The following SPATA17 variants were observed in gnomAD, a reference collection of about 807,000 sequenced individuals.
SPATA17 encodes the protein spermatogenesis-associated protein 17.
Under a neutral mutation model 62.2 loss-of-function variants are expected in SPATA17, and 53 were observed. That is an observed-to-expected ratio of 0.85 (90% CI 0.68 to 1.07). The LOEUF is 1.07. Ranked by LOEUF, SPATA17 falls within the 50% of genes least tolerant of loss-of-function variation. The pLI, the probability that SPATA17 is intolerant of heterozygous loss-of-function variation, is 0.00. For synonymous variants in SPATA17, 146 were observed against 146.8 expected (o/e 0.99, Z 0.04); for missense variants, 466 against 425.5 (o/e 1.10, Z -0.84).
At chr1:217,649,934 CTTTT>C (rs771612819) in intron 2 of SPATA17, among the ~76,000 whole-genome samples, 14 of 120,428 alleles carry the variant, frequency 1.2e-4, no homozygotes, top group African/African-American at 3.8e-4. Context: ...AGGCTTCTCT[CTTTT>C]TTTTTTTTTT....
chr1:217,711,741 A>T (rs1671870342), intron 5 of SPATA17, among the ~76,000 whole-genome samples: 1 of 152,248 alleles, frequency 6.6e-6, no homozygotes, highest in African/African-American at 2.4e-5. Flanking sequence ...GTTAGTCCAC[A>T]ATGCAAGTCT....
intron 7 of SPATA17, among the ~76,000 whole-genome samples, chr1:217,779,761 C>G (rs1358400597): frequency 6.6e-6 from 1 of 151,966 alleles, no homozygotes; most frequent in African/African-American, 2.4e-5. Context: ...TAAGATTATG[C>G]CCAAATGATA....
chr1:217,737,374 GGTCATAGATGGAAGT>G (rs1238506294), intron 5 of SPATA17, among the ~76,000 whole-genome samples: 2 of 152,130 alleles, frequency 1.3e-5, no homozygotes, highest in Non-Finnish European at 2.9e-5. Flanking sequence ...TAGAAAAGGG[GGTCATAGATGGAAGT>G]GTCATAGATG....
intron 3 of SPATA17, among the ~76,000 whole-genome samples, 195 bp from the exon 4 acceptor site, chr1:217,668,838 T>C (rs10495068): frequency 0.044 from 6,708 of 152,250 alleles, 163 homozygotes; most frequent in Middle Eastern, 0.065. Flanking sequence ...TTGACTACCA[T>C]AGATTTTTAC....
chr1:217,752,976 A>G (rs924750380), intron 6 of SPATA17, among the ~76,000 whole-genome samples: 1 of 152,158 alleles, frequency 6.6e-6, no homozygotes, highest in Non-Finnish European at 1.5e-5. Flanking sequence ...ATATTAACTA[A>G]ACCTAGATTA....
intron 6 of SPATA17, among the ~76,000 whole-genome samples, chr1:217,754,864 C>T (rs1341049845): frequency 1.3e-5 from 2 of 152,000 alleles, no homozygotes; most frequent in African/African-American, 4.8e-5. Context: ...AAACTAGAGA[C>T]TTAAGGAGAG....
intron 5 of SPATA17, among the ~76,000 whole-genome samples, chr1:217,716,786 T>G (rs1281800326): frequency 6.6e-6 from 1 of 152,222 alleles, no homozygotes; most frequent in African/African-American, 2.4e-5. Context: ...ATTTAGACAT[T>G]GTAAACAAGG....
At chr1:217,820,232 C>T (rs1242485100) in intron 9 of SPATA17, among the ~76,000 whole-genome samples, 1 of 151,882 alleles carries the variant, frequency 6.6e-6, no homozygotes. Context: ...AGTCTTTAGG[C>T]TAGGAGAGTT....
In SPATA17 at chr1:217,862,803, G is replaced by A; in HGVS notation, c.1035G>A (p.Glu345=). Residue 345 remains glutamate (E), a synonymous_variant, in exon 10 of 11, where the codon GAG becomes GAA. Coordinates refer to ENST00000366933, the MANE Select transcript of SPATA17 (RefSeq NM_138796.4). The part of the protein sequence containing the change: ...KDFQTVLPSF[E]LFSKYGKLYS... ...TCCAGACTGTATTACCATCATTTGA[G>A]CTCTTCTCAAAGTATGGAAAATTAT... The A allele has an allele frequency of 6.2e-7, 1 of 1,610,364 alleles. No homozygotes were observed. The highest frequency in any genetic ancestry group is 1.7e-5 in the Admixed American group (1 of 59,848).
intron 9 of SPATA17, among the ~76,000 whole-genome samples, chr1:217,831,064 G>T (rs534656939): frequency 4.6e-5 from 7 of 152,134 alleles, no homozygotes; most frequent in African/African-American, 1.4e-4. Flanking sequence ...ATAACAATTG[G>T]AGTATTTAAT....
At position 217,808,142 on chromosome 1, in the gene SPATA17, A is replaced by G. The variant is rs1015361052; in HGVS notation, c.1005+6292A>G. ...AAAAAGCAGGAAAATATGGGAAGAT[A>G]CATTCATGGAAAGAACAAAGTCTCC... On this transcript the variant is annotated intron_variant, in intron 9 of 10. Coordinates refer to ENST00000366933, the MANE Select transcript of SPATA17 (RefSeq NM_138796.4). Among the ~76,000 whole-genome samples, 140 of 152,274 alleles carry G rather than the reference A, an allele frequency of 9.2e-4. 1 individual carries two copies. The highest frequency in any genetic ancestry group is 3.1e-3 in the African/African-American group (130 of 41,560).
At chr1:217,796,783 T>C (rs564403620) in intron 8 of SPATA17, among the ~76,000 whole-genome samples, 2 of 152,234 alleles carry the variant, frequency 1.3e-5, no homozygotes, top group Non-Finnish European at 2.9e-5. Flanking sequence ...TTTCTGTTCA[T>C]ACTAATGAGC....
intron 8 of SPATA17, among the ~76,000 whole-genome samples, chr1:217,782,917 T>C (rs1241077246): frequency 1.3e-5 from 2 of 151,962 alleles, no homozygotes; most frequent in African/African-American, 2.4e-5. Context: ...AATAGAGTCA[T>C]AGATAACTTA....
chr1:217,704,546 G>A (rs546275971), intron 5 of SPATA17, among the ~76,000 whole-genome samples: 21 of 151,878 alleles, frequency 1.4e-4, no homozygotes, highest in Middle Eastern at 7.0e-3. Flanking sequence ...CACCGCGCCC[G>A]GCCCTTCCCT....
intron 9 of SPATA17, chr1:217,850,387 G>A: frequency 9.9e-7 from 1 of 1,015,046 alleles, no homozygotes; most frequent in South Asian, 1.4e-5. Context: ...CACTGCAAAT[G>A]CAAGACTGAA....
At chr1:217,735,161 A>G (rs956173941) in intron 5 of SPATA17, among the ~76,000 whole-genome samples, 2 of 152,202 alleles carry the variant, frequency 1.3e-5, no homozygotes, top group Non-Finnish European at 2.9e-5. Context: ...ATGAATAAAC[A>G]TTATTCTTGA....
In SPATA17 at chr1:217,811,025, CTTTA is replaced by C. The variant is rs554289972; in HGVS notation, c.1005+9195_1005+9198del. On this transcript the variant is annotated intron_variant, in intron 9 of 10. Transcript: ENST00000366933. ...AATTAAAAGAAAAATTGTAGGTATTCTTTATTTATTTATTTATTTATTTTTTGAG... is the reference window on the plus strand; with the variant it reads ...AATTAAAAGAAAAATTGTAGGTATTCTTTATTTATTTATTTATTTTTTGAG... Among the ~76,000 whole-genome samples, 12 of 151,820 alleles carry C rather than the reference CTTTA, an allele frequency of 7.9e-5. 1 individual carries two copies. Among genetic ancestry groups the C allele is most frequent in the South Asian group, 2.1e-4 (1 of 4,820 alleles).
At chr1:217,845,214 T>C (rs1024550931) in intron 9 of SPATA17, among the ~76,000 whole-genome samples, 1 of 152,136 alleles carries the variant, frequency 6.6e-6, no homozygotes, top group African/African-American at 2.4e-5. Context: ...TTCATCCATG[T>C]CTTTTAACAT....
intron 3 of SPATA17, among the ~76,000 whole-genome samples, chr1:217,659,581 T>C (rs1176987391): frequency 6.6e-6 from 1 of 152,150 alleles, no homozygotes; most frequent in Non-Finnish European, 1.5e-5. Flanking sequence ...AAGAAATTGG[T>C]ACTCAGGGAG....
Sources: allele counts gnomAD v4.1 joint callset (sites outside exome capture counted in the v4.1 genomes callset), GRCh38; gene constraint gnomAD v4.1.1; transcripts MANE v1.5; gene names NCBI Gene and HGNC (gene_info 2026-07-23, HGNC 2026-07-21).